IL1RAPL2: variants seen among roughly 807,000 people sequenced by gnomAD.
The protein encoded by IL1RAPL2 is X-linked interleukin-1 receptor accessory protein-like 2.
Under a neutral mutation model 44.1 loss-of-function variants are expected in IL1RAPL2, and 3 were observed. That is an observed-to-expected ratio of 0.07 (90% CI 0.03 to 0.18). The LOEUF (loss-of-function observed/expected upper bound fraction) is 0.18. IL1RAPL2 is among the 10% of genes least tolerant of loss of function. The probability of loss-of-function intolerance (pLI) is 1.00; values close to 1 mark genes in which losing one functional copy is unlikely to be tolerated. For missense variants in IL1RAPL2, 391 were observed against 496.4 expected, an observed-to-expected ratio of 0.79 and a Z score of 2.02; for synonymous variants, 181 against 178.8, an observed-to-expected ratio of 1.01 and a Z score of -0.10.
chrX:105,508,617 A>C (rs1316479934), intron 6 of IL1RAPL2, among the ~76,000 whole-genome samples: 1 of 108,830 alleles, frequency 9.2e-6, no homozygotes, highest in Non-Finnish European at 1.9e-5. Context: ...TTGTGAAGCC[A>C]CCCACAGAAG....
At chrX:104,893,610 C>T (rs1271141673) in intron 2 of IL1RAPL2, among the ~76,000 whole-genome samples, 1 of 110,887 alleles carries the variant, frequency 9.0e-6, no homozygotes. Flanking sequence ...GGATTGCAAC[C>T]CCTGCCTTTT....
chrX:104,868,362 A>C (rs1602769386), intron 2 of IL1RAPL2, among the ~76,000 whole-genome samples: 1 of 111,942 alleles, frequency 8.9e-6, no homozygotes, highest in Non-Finnish European at 1.9e-5. Flanking sequence ...AACTCTTCTG[A>C]TGGGATAGGT....
At chrX:104,700,915 G>A (rs1931263966) in intron 2 of IL1RAPL2, among the ~76,000 whole-genome samples, 1 of 111,774 alleles carries the variant, frequency 8.9e-6, no homozygotes, top group Non-Finnish European at 1.9e-5. Flanking sequence ...TTGTGAATAA[G>A]CCAAATATCA....
intron 2 of IL1RAPL2, among the ~76,000 whole-genome samples, chrX:104,797,820 A>C (rs949697988): frequency 4.4e-5 from 5 of 112,385 alleles, no homozygotes; most frequent in African/African-American, 1.6e-4. Context: ...TGTCCAAAAA[A>C]CTATTAAAAT....
intron 2 of IL1RAPL2, among the ~76,000 whole-genome samples, chrX:105,169,667 T>TA (rs1246188628): frequency 9.3e-6 from 1 of 107,236 alleles, no homozygotes; most frequent in African/African-American, 3.4e-5. Context: ...TAGCTGGGAT[T>TA]ACAGGTGCAT....
chrX:105,228,938 C>T (rs7882423), intron 3 of IL1RAPL2, among the ~76,000 whole-genome samples: 2,392 of 112,224 alleles, frequency 0.021, 64 homozygotes, highest in African/African-American at 0.074. Context: ...TAAGATAATA[C>T]ACATAGAAGT....
chrX:105,434,023 CTT>C (rs1055092875), intron 5 of IL1RAPL2, among the ~76,000 whole-genome samples: 8 of 111,328 alleles, frequency 7.2e-5, no homozygotes, highest in Middle Eastern at 4.6e-3. Context: ...TTAAAGAACT[CTT>C]AGACTCAATA....
chrX:104,703,703 T>C (rs1931317262), intron 2 of IL1RAPL2, among the ~76,000 whole-genome samples: 1 of 112,371 alleles, frequency 8.9e-6, no homozygotes, highest in Non-Finnish European at 1.9e-5. Flanking sequence ...ATGAACTATA[T>C]CACTTAATCC....
At chrX:105,666,421 T>A (rs2037769988) in intron 6 of IL1RAPL2, among the ~76,000 whole-genome samples, 1 of 111,478 alleles carries the variant, frequency 9.0e-6, no homozygotes. Context: ...CATTTGATTA[T>A]GAGGTGAGAT....
At chrX:104,625,984 A>G (rs1026032786) in intron 1 of IL1RAPL2, among the ~76,000 whole-genome samples, 1 of 110,953 alleles carries the variant, frequency 9.0e-6, no homozygotes, top group Admixed American at 9.7e-5. Flanking sequence ...ACAGTATTTT[A>G]CTCAATATTA....
At chrX:105,457,756 A>G (rs1189990474) in intron 5 of IL1RAPL2, among the ~76,000 whole-genome samples, 4 of 109,603 alleles carry the variant, frequency 3.6e-5, no homozygotes, top group African/African-American at 9.9e-5. Context: ...TCTTTTGGCT[A>G]TTGTAAATAA....
rs779298315 is a variant in IL1RAPL2 at position 105,551,601 on chromosome X, A to G, written c.772+67214A>G. Among the ~76,000 whole-genome samples, 5 of 111,767 alleles carry G rather than the reference A, an allele frequency of 4.5e-5. No homozygotes were observed. The South Asian group carries it at 1.9e-3, about 42-fold the overall frequency. ...ATATTGATAAGGCATATAAAGCAGA[A>G]TGTTCAGTGAATGTTAAATAAGCAA... is the stretch of plus-strand genomic sequence containing the variant. On this transcript the variant is annotated intron_variant, in intron 6 of 10. Transcript: ENST00000372582.
intron 2 of IL1RAPL2, among the ~76,000 whole-genome samples, chrX:104,747,289 TTC>T (rs1405954671): frequency 9.0e-6 from 1 of 111,483 alleles, no homozygotes; most frequent in African/African-American, 3.3e-5. Context: ...TCCTGTAACA[TTC>T]TCTGTCTGTT....
At chrX:105,218,914 A>C (rs1556171626) in intron 3 of IL1RAPL2, 1 of 1,107,913 alleles carries the variant, frequency 9.0e-7, no homozygotes, top group Admixed American at 2.3e-5. Flanking sequence ...TCTGAAAATT[A>C]ATTCGCCATC....
At chrX:105,280,821 TTGG>T (rs752124760) in intron 5 of IL1RAPL2, among the ~76,000 whole-genome samples, 1 of 111,500 alleles carries the variant, frequency 9.0e-6, no homozygotes, top group East Asian at 2.8e-4. Context: ...TTTTACACTC[TTGG>T]TGGGAGTGTA....
At chrX:105,382,309 G>A (rs1238419862) in intron 5 of IL1RAPL2, among the ~76,000 whole-genome samples, 4 of 107,914 alleles carry the variant, frequency 3.7e-5, no homozygotes, top group Non-Finnish European at 7.6e-5. Context: ...AGTGGGCGAA[G>A]GATATGAACA....
chrX:104,778,865 C>T (rs759220141), intron 2 of IL1RAPL2, among the ~76,000 whole-genome samples: 3 of 110,170 alleles, frequency 2.7e-5, no homozygotes, highest in Non-Finnish European at 5.7e-5. Flanking sequence ...CTCAAGTGAC[C>T]AGATGCCTTC....
At position 104,834,351 on chromosome X, in the gene IL1RAPL2, G is replaced by A. The variant is rs146376261; in HGVS notation, c.82+175356G>A. Among the ~76,000 whole-genome samples the A allele has an allele frequency of 9.1e-3, 1,017 of 111,239 alleles. 7 individuals carry two copies. Among genetic ancestry groups the A allele is most frequent in the African/African-American group, 0.031 (952 of 30,630 alleles). On this transcript the variant is annotated intron_variant, in intron 2 of 10. Transcript: ENST00000372582. ...TCTATTCAGACTCCTTGTCCACGCC[G>A]CACCCTTTCTGGTCATTTATCTCTG...
chrX:104,620,917 T>C (rs1466684894), intron 1 of IL1RAPL2, among the ~76,000 whole-genome samples: 1 of 104,879 alleles, frequency 9.5e-6, no homozygotes, highest in Non-Finnish European at 1.9e-5. Context: ...ATATAATATA[T>C]AAATTCTATA....
Sources: allele counts gnomAD v4.1 joint callset (sites outside exome capture counted in the v4.1 genomes callset), GRCh38; gene constraint gnomAD v4.1.1; transcripts MANE v1.5; gene names NCBI Gene and HGNC (gene_info 2026-07-23, HGNC 2026-07-21).